GRIK4: variants seen among roughly 807,000 people sequenced by gnomAD.
GRIK4 encodes glutamate ionotropic receptor kainate type subunit 4, also known as glutamate receptor ionotropic, kainate 4.
A neutral mutation model predicts 104.9 loss-of-function variants in GRIK4; 40 were observed. The observed-to-expected ratio is 0.38, with a 90% confidence interval of 0.30 to 0.50. The LOEUF is 0.50. Ranked by LOEUF, GRIK4 falls within the 20% of genes least tolerant of loss-of-function variation. The pLI is 0.93. For missense variants in GRIK4, 1,047 were observed against 1,308.1 expected, an observed-to-expected ratio of 0.80 and a Z score of 3.08; for synonymous variants, 485 against 524.9, an observed-to-expected ratio of 0.92 and a Z score of 1.04.
chr11:120,892,882 C>G (rs1353568966), intron 11 of GRIK4, among the ~76,000 whole-genome samples: 3 of 152,178 alleles, frequency 2.0e-5, no homozygotes, highest in Non-Finnish European at 2.9e-5. Context: ...TCCCTGGCTG[C>G]TCTACCCAGG....
intron 1 of GRIK4, among the ~76,000 whole-genome samples, chr11:120,517,964 A>G (rs1202194619): frequency 1.3e-5 from 2 of 152,346 alleles, no homozygotes; most frequent in South Asian, 2.1e-4. Context: ...ACGCTTAATG[A>G]AAAAGAAAAG....
At chr11:120,961,694 G>A (rs1241270635) in intron 17 of GRIK4, among the ~76,000 whole-genome samples, 1 of 152,246 alleles carries the variant, frequency 6.6e-6, no homozygotes, top group Non-Finnish European at 1.5e-5. Context: ...TGATCGCCAA[G>A]ACTGACAGCC....
At chr11:120,601,035 C>G (rs111535506) in intron 1 of GRIK4, among the ~76,000 whole-genome samples, 1 of 151,308 alleles carries the variant, frequency 6.6e-6, no homozygotes, top group Non-Finnish European at 1.5e-5. Context: ...AGCCTGGTGA[C>G]AGAGTGAGAC....
intron 1 of GRIK4, among the ~76,000 whole-genome samples, chr11:120,569,855 C>T (rs1009665517): frequency 6.6e-6 from 1 of 152,194 alleles, no homozygotes; most frequent in Admixed American, 6.5e-5. Context: ...TCTAATCTCC[C>T]ATACTCCCAA....
intron 1 of GRIK4, among the ~76,000 whole-genome samples, chr11:120,567,252 C>T (rs1241866217): frequency 1.3e-5 from 2 of 152,042 alleles, no homozygotes; most frequent in Admixed American, 6.6e-5. Context: ...CTTGACCTTA[C>T]AGGCTCAAGC....
rs184914112 is a variant in GRIK4, at chr11:120,564,025, G to T, written c.-159+52138G>T. On this transcript the variant is annotated intron_variant, in intron 1 of 20. Transcript: ENST00000527524. The stretch of plus-strand genomic sequence containing the variant: ...CCGGAGAGCCTTTGAAAGGTTAGGG[G>T]GTGGGTAGGGAGGCAGTTTATGTAG... Among the ~76,000 whole-genome samples the T allele has an allele frequency of 1.5e-3, 221 of 152,346 alleles. 1 individual carries two copies. Among genetic ancestry groups the T allele is most frequent in the Non-Finnish European group, 2.3e-3 (159 of 68,028 alleles).
In GRIK4 at chr11:120,892,539, T is replaced by C. The variant is rs142461261; in HGVS notation, c.1165-5993T>C. Among the ~76,000 whole-genome samples, 5 of 152,168 alleles carry C rather than the reference T, an allele frequency of 3.3e-5. No homozygotes were observed. The East Asian group carries it at 9.7e-4, about 29-fold the overall frequency. ...TGACTTGCTCAGGGTCACCCACCTGTGGTCATAGTGCCAGGTACTAATGGG... is the reference window on the plus strand; with the variant it reads ...TGACTTGCTCAGGGTCACCCACCTGCGGTCATAGTGCCAGGTACTAATGGG... On this transcript the variant is annotated intron_variant, in intron 11 of 20. Coordinates refer to ENST00000527524, the MANE Select transcript of GRIK4 (RefSeq NM_014619.5).
chr11:120,651,043 C>T (rs183754873), intron 1 of GRIK4, among the ~76,000 whole-genome samples: 160 of 152,270 alleles, frequency 1.1e-3, no homozygotes, highest in African/African-American at 3.6e-3. Flanking sequence ...GGACTGACTT[C>T]TTCAGGGAAA....
chr11:120,879,703 C>T (rs990534322), intron 11 of GRIK4, among the ~76,000 whole-genome samples: 2 of 152,174 alleles, frequency 1.3e-5, no homozygotes, highest in South Asian at 2.1e-4. Context: ...CCTGGACCAT[C>T]GCCCAGTTAT....
At chr11:120,527,532 A>T (rs954837153) in intron 1 of GRIK4, among the ~76,000 whole-genome samples, 1 of 152,122 alleles carries the variant, frequency 6.6e-6, no homozygotes, top group Non-Finnish European at 1.5e-5. Context: ...CTGGGGATTT[A>T]TCTCCTCCCA....
intron 1 of GRIK4, among the ~76,000 whole-genome samples, chr11:120,626,771 G>T (rs1395445695): frequency 1.3e-5 from 2 of 152,214 alleles, no homozygotes; most frequent in African/African-American, 4.8e-5. Flanking sequence ...AAACTCTCTT[G>T]CTGGACTTCT....
chr11:120,828,348 T>G (rs1038824362), intron 6 of GRIK4, among the ~76,000 whole-genome samples: 2 of 152,130 alleles, frequency 1.3e-5, no homozygotes, highest in Non-Finnish European at 2.9e-5. Context: ...AAGACTATCT[T>G]TGGTGGGTTG....
chr11:120,850,123 G>C (rs1178133170), intron 8 of GRIK4, among the ~76,000 whole-genome samples: 1 of 152,156 alleles, frequency 6.6e-6, no homozygotes, highest in Non-Finnish European at 1.5e-5. Flanking sequence ...CTGTAGTCCA[G>C]TTTCTCTCTT....
chr11:120,726,664 G>A (rs898346356), intron 3 of GRIK4, among the ~76,000 whole-genome samples: 3 of 152,102 alleles, frequency 2.0e-5, no homozygotes, highest in African/African-American at 4.8e-5. Context: ...TTTTAAGGGG[G>A]AAATTGGCTT....
chr11:120,767,740 G>A (rs1392237902), intron 3 of GRIK4, among the ~76,000 whole-genome samples: 3 of 152,090 alleles, frequency 2.0e-5, no homozygotes, highest in Non-Finnish European at 2.9e-5. Context: ...TGTAAGATAA[G>A]GGTCCAATTT....
chr11:120,782,285 C>CTT (rs1264123873), intron 3 of GRIK4, among the ~76,000 whole-genome samples: 16,599 of 132,580 alleles, frequency 0.13, 1,316 homozygotes, highest in Admixed American at 0.19. Context: ...GCCAGTATGA[C>CTT]TTTTTTTTTT....
chr11:120,664,979 G>A (rs1949886588), intron 3 of GRIK4, among the ~76,000 whole-genome samples: 1 of 145,394 alleles, frequency 6.9e-6, no homozygotes. Context: ...TTTATACTCT[G>A]TCTTACGAGG....
chr11:120,771,366 T>A (rs1415503120), intron 3 of GRIK4, among the ~76,000 whole-genome samples: 3 of 152,228 alleles, frequency 2.0e-5, no homozygotes, highest in African/African-American at 7.2e-5. Flanking sequence ...GGCTGAATTG[T>A]GTTTGTGTTC....
chr11:120,831,826 G>A, intron 6 of GRIK4, 26 bp from the exon 7 acceptor site: 1 of 1,596,132 alleles, frequency 6.3e-7, no homozygotes, highest in East Asian at 2.2e-5. Context: ...TGGACCCTCA[G>A]GGGCTTCATC....
Sources: allele counts gnomAD v4.1 joint callset (sites outside exome capture counted in the v4.1 genomes callset), GRCh38; gene constraint gnomAD v4.1.1; transcripts MANE v1.5; gene names NCBI Gene and HGNC (gene_info 2026-07-23, HGNC 2026-07-21).